The following MGMT variants were observed in gnomAD, a reference collection of about 807,000 sequenced individuals.
MGMT encodes the protein O-6-methylguanine-DNA methyltransferase, also known as methylated-DNA--protein-cysteine methyltransferase.
MGMT carries 14 observed loss-of-function variants against 15.9 expected under a neutral mutation model. The observed-to-expected ratio is 0.88, with a 90% CI of 0.58 to 1.37. The LOEUF (loss-of-function observed/expected upper bound fraction) is 1.37. MGMT is among the 40% of genes most tolerant of loss of function. MGMT has a pLI of 0.00. For missense variants in MGMT, 282 were observed against 268.1 expected, an observed-to-expected ratio of 1.05 and a Z score of -0.36; for synonymous variants, 130 against 118.2, an observed-to-expected ratio of 1.10 and a Z score of -0.65.
At chr10:129,673,571 T>C (rs1325199199) in intron 2 of MGMT, among the ~76,000 whole-genome samples, 7 of 152,122 alleles carry the variant, frequency 4.6e-5, no homozygotes, top group African/African-American at 1.7e-4. Flanking sequence ...GCCTTGGTCT[T>C]CTGCTGGAGG....
At chr10:129,534,059 G>C (rs746286878) in intron 1 of MGMT, among the ~76,000 whole-genome samples, 13 of 152,174 alleles carry the variant, frequency 8.5e-5, no homozygotes, top group Non-Finnish European at 1.5e-5. Context: ...CTTTGCATAC[G>C]TTCCCTCTAA....
intron 1 of MGMT, among the ~76,000 whole-genome samples, chr10:129,470,403 C>T (rs540883621): frequency 1.3e-5 from 2 of 152,290 alleles, no homozygotes; most frequent in East Asian, 1.9e-4. Context: ...AAAAAATTAA[C>T]AGTACAGCTT....
At chr10:129,600,548 G>A (rs1470805517) in intron 2 of MGMT, among the ~76,000 whole-genome samples, 4 of 152,230 alleles carry the variant, frequency 2.6e-5, no homozygotes, top group African/African-American at 9.6e-5. Context: ...AGAGAGGGAG[G>A]TTGGCAGGTA....
At chr10:129,583,684 C>A (rs959719482) in intron 2 of MGMT, among the ~76,000 whole-genome samples, 4 of 152,352 alleles carry the variant, frequency 2.6e-5, no homozygotes, top group African/African-American at 9.6e-5. Context: ...ATAGCAGGAC[C>A]GTTTACATTT....
chr10:129,740,810 C>T (rs1848623018), intron 3 of MGMT, among the ~76,000 whole-genome samples: 1 of 152,122 alleles, frequency 6.6e-6, no homozygotes, highest in Non-Finnish European at 1.5e-5. Flanking sequence ...GATGGGGGAC[C>T]TTGAGGACTG....
At chr10:129,752,601 T>C (rs1848761377) in intron 3 of MGMT, among the ~76,000 whole-genome samples, 1 of 152,080 alleles carries the variant, frequency 6.6e-6, no homozygotes, top group Non-Finnish European at 1.5e-5. Context: ...GTTGTGGTTT[T>C]TACTATATCT....
intron 2 of MGMT, among the ~76,000 whole-genome samples, chr10:129,644,600 G>A (rs917412539): frequency 6.6e-6 from 1 of 152,188 alleles, no homozygotes; most frequent in African/African-American, 2.4e-5. Flanking sequence ...CCGAGCCTGG[G>A]GAGCTCACAC....
At chr10:129,729,036 C>T (rs1350619804) in intron 3 of MGMT, among the ~76,000 whole-genome samples, 6 of 152,030 alleles carry the variant, frequency 3.9e-5, no homozygotes, top group Admixed American at 2.6e-4. Context: ...GAAATCCCCG[C>T]ATTGAAGGGA....
At chr10:129,614,431 C>G (rs886318207) in intron 2 of MGMT, among the ~76,000 whole-genome samples, 7 of 152,170 alleles carry the variant, frequency 4.6e-5, no homozygotes, top group African/African-American at 1.7e-4. Context: ...ACCTGAGGTC[C>G]GCGGACGTCC....
chr10:129,643,432 G>A (rs780974153), intron 2 of MGMT, among the ~76,000 whole-genome samples: 3 of 152,196 alleles, frequency 2.0e-5, no homozygotes, highest in Non-Finnish European at 4.4e-5. Context: ...ACAAATCCAG[G>A]GGGAAGGTTC....
chr10:129,574,836 A>T (rs1299979520), intron 2 of MGMT, among the ~76,000 whole-genome samples: 1 of 152,210 alleles, frequency 6.6e-6, no homozygotes, highest in African/African-American at 2.4e-5. Context: ...CTGCCTTCAT[A>T]GCTTTTTCAA....
intron 2 of MGMT, among the ~76,000 whole-genome samples, chr10:129,589,129 C>T (rs1220921461): frequency 1.3e-5 from 2 of 152,226 alleles, no homozygotes; most frequent in Non-Finnish European, 2.9e-5. Context: ...ATTTGGAGCA[C>T]CAGGGAGTAC....
intron 2 of MGMT, among the ~76,000 whole-genome samples, chr10:129,642,413 C>T (rs112150513): frequency 0.048 from 7,314 of 152,052 alleles, 214 homozygotes; most frequent in Middle Eastern, 0.088. Context: ...AGAATCCTTA[C>T]TGTAAACATT....
intron 2 of MGMT, among the ~76,000 whole-genome samples, chr10:129,584,439 G>T (rs201070799): frequency 1.3e-5 from 2 of 149,170 alleles, no homozygotes; most frequent in Non-Finnish European, 3.0e-5. Flanking sequence ...GGCTTAATTT[G>T]TTTTTTTTTT....
chr10:129,759,151 G>C, intron 3 of MGMT, 51 bp from the exon 4 acceptor site: 2 of 1,608,578 alleles, frequency 1.2e-6, no homozygotes, highest in Non-Finnish European at 8.5e-7. Flanking sequence ...TTATATCAGA[G>C]CTGCTGAAGC....
At chr10:129,541,678 CTTTTA>C (rs1846043891) in intron 2 of MGMT, among the ~76,000 whole-genome samples, 1 of 152,118 alleles carries the variant, frequency 6.6e-6, no homozygotes, top group Admixed American at 6.5e-5. Context: ...GTTTTTCATT[CTTTTA>C]TTTTTTTCAC....
At chr10:129,765,678 G>A (rs1472412444) in intron 4 of MGMT, among the ~76,000 whole-genome samples, 2 of 152,186 alleles carry the variant, frequency 1.3e-5, no homozygotes, top group African/African-American at 4.8e-5. Context: ...CAAGGCAGGG[G>A]CTGACCATCT....
chr10:129,499,230 C>CAAGAA (rs1431550783), intron 1 of MGMT, among the ~76,000 whole-genome samples: 47 of 152,110 alleles, frequency 3.1e-4, no homozygotes, highest in African/African-American at 1.1e-3. Flanking sequence ...TGGAAAAAGT[C>CAAGAA]ACAGAATTTT....
At chr10:129,690,776 G>T (rs963542802) in intron 2 of MGMT, among the ~76,000 whole-genome samples, 3 of 152,206 alleles carry the variant, frequency 2.0e-5, no homozygotes, top group African/African-American at 7.2e-5. Context: ...AAGTTGGCCA[G>T]ATCGGCTGGA....
Sources: gnomAD v4.1 joint callset for allele counts (sites outside exome capture counted in the v4.1 genomes callset) on GRCh38, gnomAD v4.1.1 for gene constraint, MANE v1.5 for transcripts, NCBI Gene and HGNC (gene_info 2026-07-23, HGNC 2026-07-21) for gene names.